Variants in ZNF532 observed in about 807,000 individuals in gnomAD.
The protein encoded by ZNF532 is zinc finger protein 532.
ZNF532 carries 22 observed loss-of-function variants against 89.3 expected under a neutral mutation model. The observed-to-expected ratio is 0.25, with a 90% CI of 0.18 to 0.35. The LOEUF (loss-of-function observed/expected upper bound fraction) is 0.35, where lower values mean the gene tolerates loss of function less well. Ranked by LOEUF, ZNF532 falls within the 10% of genes least tolerant of loss-of-function variation. The pLI is 1.00. For missense variants in ZNF532, 1,132 were observed against 1,643.4 expected (o/e 0.69, Z 5.38); for synonymous variants, 606 against 649.6 (o/e 0.93, Z 1.02).
At chr18:58,974,268 A>C (rs2066798662) in intron 7 of ZNF532, among the ~76,000 whole-genome samples, 2 of 152,192 alleles carry the variant, frequency 1.3e-5, no homozygotes, top group Admixed American at 1.3e-4. Flanking sequence ...GCATATATGC[A>C]TATATTCTCA....
At chr18:58,901,473 T>G (rs1325597364) in intron 2 of ZNF532, among the ~76,000 whole-genome samples, 1 of 152,198 alleles carries the variant, frequency 6.6e-6, no homozygotes, top group African/African-American at 2.4e-5. Context: ...TCTTCTTGGT[T>G]CAGAAGTAGA....
At chr18:58,956,368 C>T (rs1276502688) in intron 7 of ZNF532, among the ~76,000 whole-genome samples, 1 of 152,178 alleles carries the variant, frequency 6.6e-6, no homozygotes, top group African/African-American at 2.4e-5. Flanking sequence ...ATCCTGTTCC[C>T]TCAGCCTCCT....
chr18:58,963,850 G>T (rs112207928), intron 7 of ZNF532, among the ~76,000 whole-genome samples: 2,409 of 149,238 alleles, frequency 0.016, 81 homozygotes, highest in African/African-American at 0.057. Context: ...AAATTTAAAA[G>T]GTGCTCACCC....
intron 7 of ZNF532, among the ~76,000 whole-genome samples, chr18:58,969,822 A>G (rs923789710): frequency 6.8e-6 from 1 of 147,506 alleles, no homozygotes; most frequent in Admixed American, 6.8e-5. Context: ...GAAAGATTCT[A>G]TGTAAGTCTT....
intron 5 of ZNF532, among the ~76,000 whole-genome samples, chr18:58,944,549 T>C (rs764123552): frequency 9.2e-5 from 14 of 152,154 alleles, no homozygotes; most frequent in Non-Finnish European, 1.3e-4. Flanking sequence ...GGGTTCTCAC[T>C]GTTTCCTAGC....
At chr18:58,971,698 G>C (rs1034841554) in intron 7 of ZNF532, among the ~76,000 whole-genome samples, 1 of 152,164 alleles carries the variant, frequency 6.6e-6, no homozygotes, top group African/African-American at 2.4e-5. Context: ...GTGGTAGAAT[G>C]AATCTTTTTT....
intron 2 of ZNF532, among the ~76,000 whole-genome samples, chr18:58,882,502 T>C (rs2058005839): frequency 6.6e-6 from 1 of 152,222 alleles, no homozygotes. Context: ...AGTGCAGTGA[T>C]CTGATCTCCG....
At chr18:58,939,246 C>G (rs1381431843) in intron 4 of ZNF532, among the ~76,000 whole-genome samples, 199 bp from the exon 5 acceptor site, 1 of 34,502 alleles carries the variant, frequency 2.9e-5, no homozygotes, top group Non-Finnish European at 6.3e-5. Flanking sequence ...GACGTTGTCT[C>G]AAAAAAAAAA....
chr18:58,887,471 T>C (rs1469229135), intron 2 of ZNF532, among the ~76,000 whole-genome samples: 2 of 152,180 alleles, frequency 1.3e-5, no homozygotes. Context: ...AGGAAAACAC[T>C]GGTCATGTGA....
intron 5 of ZNF532, chr18:58,940,495 G>C (rs1230720012): frequency 6.6e-6 from 1 of 152,190 alleles, no homozygotes; most frequent in East Asian, 1.9e-4. Flanking sequence ...AGTAGGGGCA[G>C]CTTAACAAAG....
chr18:58,881,660 C>A (rs979611212), intron 2 of ZNF532, among the ~76,000 whole-genome samples: 3 of 152,168 alleles, frequency 2.0e-5, no homozygotes, highest in African/African-American at 7.2e-5. Context: ...CCTACAGTGT[C>A]CTGTGGTTTA....
In ZNF532 at chr18:58,984,123, A is replaced by G; in HGVS notation, c.3563A>G (p.Gln1188Arg). The G allele has an allele frequency of 1.2e-5, 20 of 1,611,940 alleles. No individual in the cohort carries two copies. The highest frequency in any genetic ancestry group is 1.7e-5 in the Non-Finnish European group (20 of 1,179,844). The change falls in exon 10 of 10, where the codon CAA becomes CGA. Residue 1188 changes from glutamine (Q) to arginine (R), a missense_variant. Transcript: ENST00000591808. ...VCGFTTENLL[Q>R]FHEHIPQHKS... ...GGCTTCACCACCGAAAACCTGCTGC[A>G]ATTCCACGAACACATCCCTCAGCAC...
intron 6 of ZNF532, among the ~76,000 whole-genome samples, chr18:58,949,279 G>A (rs1007173787): frequency 1.3e-5 from 2 of 151,416 alleles, no homozygotes; most frequent in Non-Finnish European, 2.9e-5. Context: ...TTTTTTCCTT[G>A]TGTGATTAGG....
intron 2 of ZNF532, among the ~76,000 whole-genome samples, chr18:58,900,027 G>C (rs762445428): frequency 1.1e-4 from 17 of 151,914 alleles, no homozygotes; most frequent in Non-Finnish European, 2.1e-4. Context: ...TCCTCTCCTT[G>C]TAGCATCTCT....
intron 7 of ZNF532, among the ~76,000 whole-genome samples, chr18:58,977,923 G>A (rs117972330): frequency 1.2e-3 from 177 of 152,182 alleles, no homozygotes; most frequent in African/African-American, 3.0e-3. Flanking sequence ...TGAAAACTTC[G>A]TCCCACTTCA....
intron 3 of ZNF532, among the ~76,000 whole-genome samples, chr18:58,924,311 A>C (rs1261595289): frequency 6.6e-6 from 1 of 152,244 alleles, no homozygotes; most frequent in Non-Finnish European, 1.5e-5. Context: ...GTAGGAACCC[A>C]GTGCAGTTTA....
In ZNF532 at chr18:58,889,263, A is replaced by G. The variant is rs75158350; in HGVS notation, c.-18+23684A>G. Among the ~76,000 whole-genome samples the G allele has an allele frequency of 4.8e-3, 738 of 152,218 alleles. 7 individuals carry two copies. Among genetic ancestry groups the G allele is most frequent in the African/African-American group, 0.016 (670 of 41,542 alleles). ...GTTAAAAAGCTCTGAAGTTAGCTAG[A>G]TAGAGGTGAATAAACCCTCCCTGGG... On this transcript the variant is annotated intron_variant, in intron 2 of 9. Coordinates refer to ENST00000591808, the MANE Select transcript of ZNF532 (RefSeq NM_001375912.1).
chr18:58,973,790 A>C lies in ZNF532; in HGVS notation c.3151-5265A>C, dbSNP rs532488235. Reference sequence around the variant, plus strand: ...ACACACTTGGGCACATCCACACTGGAACACTAGTCAGCAGAGAAAAGGAAC... The same window carrying C: ...ACACACTTGGGCACATCCACACTGGCACACTAGTCAGCAGAGAAAAGGAAC... On this transcript the variant is annotated intron_variant, in intron 7 of 9. Transcript: ENST00000591808. 2.0e-5 allele frequency among the ~76,000 whole-genome samples: 3 copies of C among 152,334 alleles called. No individual in the cohort carries two copies. In the South Asian group the frequency reaches 6.2e-4, roughly 32 times the overall value.
rs111495340 is a variant in ZNF532, at chr18:58,950,152, T to G, written c.2868+1923T>G. On this transcript the variant is annotated intron_variant, in intron 6 of 9. Transcript: ENST00000591808. Reference sequence around the variant, plus strand: ...AAAGAACAGTTGCTTCTTAAGAGGCTTTTAAGGTATTTGGTTTCTAGAACT... The same window carrying G: ...AAAGAACAGTTGCTTCTTAAGAGGCGTTTAAGGTATTTGGTTTCTAGAACT... 2.0e-5 allele frequency among the ~76,000 whole-genome samples: 3 copies of G among 152,120 alleles called. 1 individual carries two copies. In the South Asian group the frequency reaches 6.2e-4, roughly 32 times the overall value.
Sources: allele counts gnomAD v4.1 joint callset (sites outside exome capture counted in the v4.1 genomes callset), GRCh38; gene constraint gnomAD v4.1.1; transcripts MANE v1.5; gene names NCBI Gene and HGNC (gene_info 2026-07-23, HGNC 2026-07-21).